The following CDH11 variants were observed in gnomAD, a reference collection of about 807,000 sequenced individuals.
The protein encoded by CDH11 is cadherin-11.
A neutral mutation model predicts 67.8 loss-of-function variants in CDH11; 11 were observed. The ratio of observed to expected loss-of-function variants is 0.16; its 90% CI spans 0.10 to 0.27. The LOEUF (loss-of-function observed/expected upper bound fraction) is 0.27. Ranked by LOEUF, CDH11 falls within the 10% of genes least tolerant of loss-of-function variation. CDH11 has a pLI of 1.00. For missense variants in CDH11, 847 were observed against 1,031.2 expected (o/e 0.82, Z 2.45); for synonymous variants, 419 against 400.0 (o/e 1.05, Z -0.57).
At chr16:65,106,694 G>T (rs1168961877) in intron 1 of CDH11, among the ~76,000 whole-genome samples, 3 of 152,098 alleles carry the variant, frequency 2.0e-5, no homozygotes, top group Non-Finnish European at 4.4e-5. Context: ...TGTAAATCCT[G>T]GGTGCAAGAT....
chr16:64,953,724 A>C (rs1350514483), intron 11 of CDH11, among the ~76,000 whole-genome samples: 1 of 152,210 alleles, frequency 6.6e-6, no homozygotes, highest in East Asian at 1.9e-4. Context: ...ATATGTTTTC[A>C]TAGTTAAATT....
intron 1 of CDH11, among the ~76,000 whole-genome samples, chr16:65,115,720 AAC>A (rs749149097): frequency 0.18 from 23,291 of 130,878 alleles, 2,341 homozygotes; most frequent in Middle Eastern, 0.24. Context: ...AAAAAAAAAA[AAC>A]AAAAAAACAA....
intron 2 of CDH11, among the ~76,000 whole-genome samples, chr16:65,034,133 T>C (rs1450449877): frequency 6.6e-6 from 1 of 152,156 alleles, no homozygotes; most frequent in Non-Finnish European, 1.5e-5. Flanking sequence ...GTCATTTGAA[T>C]GGGCCCTAAT....
chr16:65,045,689 T>C, intron 2 of CDH11, among the ~76,000 whole-genome samples: 1 of 152,066 alleles, frequency 6.6e-6, no homozygotes. Context: ...AAGAATCACG[T>C]AGGGACAGAG....
chr16:64,955,325 C>T (rs2071479973), intron 11 of CDH11, among the ~76,000 whole-genome samples: 1 of 152,034 alleles, frequency 6.6e-6, no homozygotes, highest in Non-Finnish European at 1.5e-5. Flanking sequence ...GCCTATAATT[C>T]CAGTTATTCA....
In CDH11 at chr16:65,033,878, G is replaced by A. The variant is rs143126449; in HGVS notation, c.-173+19926C>T. The stretch of plus-strand genomic sequence containing the variant: ...GTTTTGCTCATTTTCTTATCTCCAG[G>A]TGGCGGCATGGTATGAAGCACTTAA... On this transcript the variant is annotated intron_variant, in intron 2 of 12. Coordinates refer to ENST00000268603, the MANE Select transcript of CDH11 (RefSeq NM_001797.4). 1.3e-3 allele frequency among the ~76,000 whole-genome samples: 201 copies of A among 152,252 alleles called. 3 individuals carry two copies. The highest frequency in any genetic ancestry group is 4.4e-3 in the African/African-American group (184 of 41,542).
chr16:64,944,938 G>A lies in CDH11; in HGVS notation c.*2665C>T, dbSNP rs779124554. On this transcript the variant is annotated 3_prime_UTR_variant, in exon 13 of 13. Transcript: ENST00000268603. The stretch of plus-strand genomic sequence containing the variant: ...ACAACAAGGTGGATACTTTGGTACA[G>A]GGCTGAATTATCAAAAGATGTCAGA... 1.4e-5 allele frequency: 3 copies of A among 217,512 alleles called. No homozygotes were observed. The highest frequency in any genetic ancestry group is 1.4e-4 in the East Asian group (2 of 14,632). The allele number at this position is 217,512 out of a possible 1,614,324, so 13.5% of individuals were successfully genotyped here.
chr16:64,946,752 G>C lies in CDH11; in HGVS notation c.*851C>G, dbSNP rs550402054. On this transcript the variant is annotated 3_prime_UTR_variant, in exon 13 of 13. Transcript: ENST00000268603. ...GGATCATTAGAAATACTTAACGTTT[G>C]TTTCAATGTTAAGAATCAAACCCAG... 7.2e-5 allele frequency: 65 copies of C among 899,594 alleles called. 1 individual carries two copies. In the East Asian group the frequency reaches 4.1e-3, roughly 57 times the overall value. The allele number at this position is 899,594 out of a possible 1,614,324, so 55.7% of individuals were successfully genotyped here. A position where few individuals can be genotyped will look rare whatever the true frequency, so the allele number is the denominator to read the frequency against.
intron 1 of CDH11, among the ~76,000 whole-genome samples, chr16:65,062,950 A>G (rs1289336461): frequency 6.6e-6 from 1 of 152,200 alleles, no homozygotes; most frequent in Non-Finnish European, 1.5e-5. Flanking sequence ...GGTGCTCTAC[A>G]TCCTCATCAC....
rs76399950 is a variant in CDH11 at position 65,067,440 on chromosome 16, C to G, written c.-297-13512G>C. ...TAGCGAAGTATGCTTTCGAGGGAAGCAGAAGTCTTTCTAGCCCCACCATTC... is the reference window on the plus strand; with the variant it reads ...TAGCGAAGTATGCTTTCGAGGGAAGGAGAAGTCTTTCTAGCCCCACCATTC... On this transcript the variant is annotated intron_variant, in intron 1 of 12. Transcript: ENST00000268603. Among the ~76,000 whole-genome samples the G allele has an allele frequency of 1.6e-4, 25 of 152,272 alleles. No homozygotes were observed. The East Asian group carries it at 4.8e-3, about 29-fold the overall frequency.
chr16:65,066,440 A>T (rs1338822237), intron 1 of CDH11, among the ~76,000 whole-genome samples: 1 of 152,244 alleles, frequency 6.6e-6, no homozygotes, highest in Non-Finnish European at 1.5e-5. Context: ...CCAAACAGGT[A>T]AGATTGCTCT....
At chr16:64,976,853 AC>A in intron 8 of CDH11, among the ~76,000 whole-genome samples, 1 of 47,098 alleles carries the variant, frequency 2.1e-5, no homozygotes, top group African/African-American at 4.6e-5. Flanking sequence ...GTCTCCAAAA[AC>A]CAACCAACCA....
intron 8 of CDH11, among the ~76,000 whole-genome samples, chr16:64,978,893 A>T (rs1464038187): frequency 6.6e-6 from 1 of 152,142 alleles, no homozygotes; most frequent in African/African-American, 2.4e-5. Flanking sequence ...CATCATAGAC[A>T]TTAAAAAAAA....
intron 1 of CDH11, among the ~76,000 whole-genome samples, chr16:65,060,423 G>T (rs1392796471): frequency 6.6e-6 from 1 of 151,922 alleles, no homozygotes; most frequent in Non-Finnish European, 1.5e-5. Flanking sequence ...AAAATGAAAA[G>T]ACTTTCTCCA....
chr16:65,045,091 T>TC (rs1018292894), intron 2 of CDH11, among the ~76,000 whole-genome samples: 1 of 151,582 alleles, frequency 6.6e-6, no homozygotes, highest in Non-Finnish European at 1.5e-5. Flanking sequence ...GGCTTTTGCT[T>TC]TCCTTTCCCA....
At chr16:65,072,134 A>T (rs1464858242) in intron 1 of CDH11, 3 of 152,340 alleles carry the variant, frequency 2.0e-5, no homozygotes, top group Non-Finnish European at 4.4e-5. Flanking sequence ...GCCAGGAGGC[A>T]CCTTCTCTCT....
intron 2 of CDH11, among the ~76,000 whole-genome samples, chr16:65,048,556 T>C (rs1394620148): frequency 6.6e-6 from 1 of 152,024 alleles, no homozygotes; most frequent in African/African-American, 2.4e-5. Context: ...TATATACATA[T>C]ATATGTGTGT....
At chr16:65,061,190 A>G (rs2074232731) in intron 1 of CDH11, among the ~76,000 whole-genome samples, 1 of 152,208 alleles carries the variant, frequency 6.6e-6, no homozygotes, top group Non-Finnish European at 1.5e-5. Flanking sequence ...GCTGTGAGCT[A>G]TTTGAGGACA....
At chr16:65,019,558 T>C (rs1053401518) in intron 2 of CDH11, among the ~76,000 whole-genome samples, 3 of 152,130 alleles carry the variant, frequency 2.0e-5, no homozygotes, top group African/African-American at 7.2e-5. Context: ...ATTTTAAATA[T>C]AATATTATAA....
Sources: gnomAD v4.1 joint callset for allele counts (sites outside exome capture counted in the v4.1 genomes callset) on GRCh38, gnomAD v4.1.1 for gene constraint, MANE v1.5 for transcripts, NCBI Gene and HGNC (gene_info 2026-07-23, HGNC 2026-07-21) for gene names.